The following OOSP1 variants were observed in gnomAD, a reference collection of about 807,000 sequenced individuals.
OOSP1 encodes the protein oocyte secreted protein 1, also known as putative oocyte-secreted protein 1 homolog.
OOSP1 carries 11 observed loss-of-function variants against 5.7 expected under a neutral mutation model. The observed-to-expected ratio is 1.94, with a 90% confidence interval of 1.22 to 3.20. The LOEUF (loss-of-function observed/expected upper bound fraction) is 3.20, where lower values mean the gene tolerates loss of function less well. OOSP1 is among the 30% of genes most tolerant of loss of function. OOSP1 has a pLI of 0.00. For missense variants in OOSP1, 83 were observed against 54.1 expected (o/e 1.53, Z -1.67); for synonymous variants, 44 against 20.0 (o/e 2.20, Z -3.20).
At chr11:59,945,884 G>A (rs192968275) in intron 3 of OOSP1, among the ~76,000 whole-genome samples, 11 of 152,048 alleles carry the variant, frequency 7.2e-5, no homozygotes, top group African/African-American at 2.2e-4. Flanking sequence ...TACTCATGGC[G>A]GAAGGCAACG....
intron 4 of OOSP1, chr11:59,949,045 T>C (rs1279309061): frequency 9.1e-6 from 3 of 331,308 alleles, no homozygotes; most frequent in Admixed American, 9.7e-5. Context: ...TTTCTAGTTA[T>C]TGCAAGACTG....
At chr11:59,945,422 T>G (rs1186959265) in intron 3 of OOSP1, 156 bp downstream of exon 3, 1 of 687,514 alleles carries the variant, frequency 1.5e-6, no homozygotes, top group Non-Finnish European at 2.7e-6. Context: ...ATCCTTGGTG[T>G]CTTAGTCCTC....
intron 4 of OOSP1, chr11:59,948,872 G>A (rs1673762532): frequency 2.5e-6 from 1 of 397,098 alleles, no homozygotes; most frequent in Non-Finnish European, 4.4e-6. Context: ...AGCAGGAAGG[G>A]GATTTAATGC....
At chr11:59,956,301 G>T (rs1238643347) in intron 4 of OOSP1, among the ~76,000 whole-genome samples, 1 of 151,956 alleles carries the variant, frequency 6.6e-6, no homozygotes, top group East Asian at 1.9e-4. Flanking sequence ...CTTGGCTGAG[G>T]ACATTTGCCT....
chr11:59,940,710 G>T (rs1214928256), intron 1 of OOSP1, among the ~76,000 whole-genome samples: 1 of 152,182 alleles, frequency 6.6e-6, no homozygotes, highest in African/African-American at 2.4e-5. Flanking sequence ...ATGGGACTGT[G>T]AGGCCACAGG....
chr11:59,944,868 C>A (rs1853865764), intron 2 of OOSP1, among the ~76,000 whole-genome samples: 1 of 152,332 alleles, frequency 6.6e-6, no homozygotes, highest in African/African-American at 2.4e-5. Context: ...TGTATCACTA[C>A]AACTGTGTGT....
intron 1 of OOSP1, among the ~76,000 whole-genome samples, chr11:59,938,880 G>A (rs1423257415): frequency 2.0e-5 from 3 of 152,136 alleles, no homozygotes; most frequent in African/African-American, 4.8e-5. Flanking sequence ...TAGGAACTTG[G>A]GACTCTGTGG....
At chr11:59,951,285 T>C (rs1380379260) in intron 4 of OOSP1, among the ~76,000 whole-genome samples, 1 of 152,088 alleles carries the variant, frequency 6.6e-6, no homozygotes, top group Non-Finnish European at 1.5e-5. Flanking sequence ...CATTTACTTT[T>C]CTGTCACTAC....
chr11:59,944,351 T>C (rs1853860908), intron 2 of OOSP1, among the ~76,000 whole-genome samples: 1 of 11,114 alleles, frequency 9.0e-5, no homozygotes, highest in East Asian at 2.7e-3. Context: ...AACCTTGATA[T>C]AAACTGCGGG....
At chr11:59,945,709 C>T (rs907189906) in intron 3 of OOSP1, among the ~76,000 whole-genome samples, 16 of 136,882 alleles carry the variant, frequency 1.2e-4, no homozygotes, top group Non-Finnish European at 1.7e-4. Flanking sequence ...TGAAATCGTG[C>T]CATTGCACTC....
chr11:59,944,697 A>G (rs1853864536), intron 2 of OOSP1, among the ~76,000 whole-genome samples: 1 of 152,148 alleles, frequency 6.6e-6, no homozygotes, highest in African/African-American at 2.4e-5. Context: ...CTTAATCACT[A>G]TTATTCTTTA....
chr11:59,938,918 T>G (rs2134561383), intron 1 of OOSP1, among the ~76,000 whole-genome samples: 1 of 152,326 alleles, frequency 6.6e-6, no homozygotes, highest in Middle Eastern at 3.4e-3. Flanking sequence ...GAAAGCCTTA[T>G]AAGGCTTAGC....
chr11:59,939,559 C>G (rs1051846698), intron 1 of OOSP1, among the ~76,000 whole-genome samples: 4 of 151,338 alleles, frequency 2.6e-5, no homozygotes, highest in Non-Finnish European at 5.9e-5. Flanking sequence ...ATGCTTTTTT[C>G]TGTTTTCTTT....
intron 4 of OOSP1, among the ~76,000 whole-genome samples, chr11:59,956,661 G>A (rs1035412676): frequency 3.3e-5 from 5 of 152,008 alleles, no homozygotes; most frequent in African/African-American, 1.2e-4. Context: ...CATCACCTGA[G>A]CAGTATACAC....
intron 4 of OOSP1, among the ~76,000 whole-genome samples, chr11:59,954,022 G>T (rs1279264020): frequency 6.6e-6 from 1 of 152,162 alleles, no homozygotes; most frequent in African/African-American, 2.4e-5. Flanking sequence ...TTACACCTAG[G>T]CTATATGGAA....
chr11:59,949,575 G>A (rs1322106892), intron 4 of OOSP1, among the ~76,000 whole-genome samples: 2 of 152,050 alleles, frequency 1.3e-5, no homozygotes, highest in Non-Finnish European at 2.9e-5. Flanking sequence ...AGCATGATTG[G>A]AGAGGGAAAG....
chr11:59,957,079 T>C (rs866225878), intron 4 of OOSP1, 116 bp from the exon 5 acceptor site: 24 of 391,322 alleles, frequency 6.1e-5, no homozygotes, highest in Middle Eastern at 6.4e-4. Flanking sequence ...TGCCTTTCTG[T>C]TCACTTTTAC....
intron 3 of OOSP1, among the ~76,000 whole-genome samples, chr11:59,946,973 A>G (rs1320787956): frequency 3.4e-5 from 5 of 147,958 alleles, no homozygotes; most frequent in African/African-American, 1.0e-4. Flanking sequence ...CTATCTGTCT[A>G]TCTACTCTGT....
chr11:59,949,552 G>C (rs1184129501), intron 4 of OOSP1, among the ~76,000 whole-genome samples: 1 of 152,118 alleles, frequency 6.6e-6, no homozygotes, highest in Non-Finnish European at 1.5e-5. Flanking sequence ...CTGAGTGTTT[G>C]CAGAACAAGG....
Sources: gnomAD v4.1 joint callset for allele counts (sites outside exome capture counted in the v4.1 genomes callset) on GRCh38, gnomAD v4.1.1 for gene constraint, MANE v1.5 for transcripts, NCBI Gene and HGNC (gene_info 2026-07-23, HGNC 2026-07-21) for gene names.